The following ZNF584 variants were observed in gnomAD, a reference collection of about 807,000 sequenced individuals.
ZNF584 encodes zinc finger protein 584.
ZNF584 carries 12 observed loss-of-function variants against 14.7 expected under a neutral mutation model. The observed-to-expected ratio is 0.82, with a 90% CI of 0.52 to 1.32. ZNF584 has a LOEUF of 1.32. Ranked by LOEUF, ZNF584 falls within the 40% of genes most tolerant of loss-of-function variation. The pLI is 0.00. For synonymous variants in ZNF584, 204 were observed against 190.9 expected (o/e 1.07, Z -0.57); for missense variants, 478 against 518.8 (o/e 0.92, Z 0.76).
intron 2 of ZNF584, among the ~76,000 whole-genome samples, chr19:58,410,983 G>T (rs1304796138): frequency 6.7e-6 from 1 of 149,974 alleles, no homozygotes; most frequent in South Asian, 2.1e-4. Flanking sequence ...GTAGAGACAG[G>T]GTTTCACTTT....
At chr19:58,413,569 C>T (rs1028032203) in intron 2 of ZNF584, among the ~76,000 whole-genome samples, 1 of 149,672 alleles carries the variant, frequency 6.7e-6, no homozygotes, top group Non-Finnish European at 1.5e-5. Context: ...TGCAGTGGTG[C>T]GATCTTGGCT....
At position 58,409,077 on chromosome 19, in the gene ZNF584, G is replaced by A. The variant is rs2052506056; in HGVS notation, c.-71G>A. Reference sequence around the variant, plus strand: ...CCGGGAAGGTTCCACGGCGGCCGAGGGTTTCCGCGCCCGGGACGCGTTTCG... The same window carrying A: ...CCGGGAAGGTTCCACGGCGGCCGAGAGTTTCCGCGCCCGGGACGCGTTTCG... On this transcript the variant is annotated 5_prime_UTR_variant, in exon 1 of 4. Coordinates refer to ENST00000306910, the MANE Select transcript of ZNF584 (RefSeq NM_173548.3). 3.4e-6 allele frequency: 5 copies of A among 1,456,886 alleles called. No homozygotes were observed. The highest frequency in any genetic ancestry group is 3.6e-4 in the Middle Eastern group (2 of 5,594). 90.2% of individuals were successfully genotyped at this position (1,456,886 alleles called of 1,614,324 possible).
chr19:58,410,557 A>ATGTG lies in ZNF584; in HGVS notation c.169+468_169+471dup, dbSNP rs1185053389. Among the ~76,000 whole-genome samples, 21 of 26,002 alleles carry ATGTG rather than the reference A, an allele frequency of 8.1e-4. 3 individuals are homozygous for ATGTG. The highest frequency in any genetic ancestry group is 5.8e-3 in the East Asian group (8 of 1,386). The allele number at this position is 26,002 out of a possible 152,430, so 17.1% of individuals were successfully genotyped here. ...TATATATATATATATATATATATAT[A>ATGTG]TGTGTATATATATATGTATATATAT... On this transcript the variant is annotated intron_variant, in intron 2 of 3. Coordinates refer to ENST00000306910, the MANE Select transcript of ZNF584 (RefSeq NM_173548.3).
chr19:58,412,311 G>A (rs139762908), intron 2 of ZNF584, among the ~76,000 whole-genome samples: 3,245 of 148,028 alleles, frequency 0.022, 112 homozygotes, highest in African/African-American at 0.077. Context: ...CCGGGTTCAC[G>A]CCATTCTCCT....
chr19:58,403,004 T>A (rs1371155624), intron 1 of ZNF584, among the ~76,000 whole-genome samples: 1 of 152,128 alleles, frequency 6.6e-6, no homozygotes, highest in South Asian at 2.1e-4. Flanking sequence ...ATGGCTACAA[T>A]GCAAAACACT....
At chr19:58,410,530 T>TAC (rs1568584248) in intron 2 of ZNF584, among the ~76,000 whole-genome samples, 8 of 20,188 alleles carry the variant, frequency 4.0e-4, no homozygotes, top group African/African-American at 1.7e-3. Context: ...TATATATATA[T>TAC]ATATATATAT....
In ZNF584 at chr19:58,409,034, C is replaced by T. The variant is rs1362337323; in HGVS notation, c.-114C>T. 11 of 1,349,498 alleles carry T rather than the reference C, an allele frequency of 8.2e-6. No individual in the cohort carries two copies. Among genetic ancestry groups the T allele is most frequent in the Non-Finnish European group, 1.1e-5 (11 of 1,018,718 alleles). 83.6% of individuals were successfully genotyped at this position (1,349,498 alleles called of 1,614,324 possible). On this transcript the variant is annotated 5_prime_UTR_variant, in exon 1 of 4. Coordinates refer to ENST00000306910, the MANE Select transcript of ZNF584 (RefSeq NM_173548.3). ...TTCCCTGTCTTCGGACGCATTTCAC[C>T]CGCGCGGGGAGAGCTTCCCGGGAAG...
intron 1 of ZNF584, among the ~76,000 whole-genome samples, chr19:58,403,396 G>T (rs2052443646): frequency 1.3e-5 from 2 of 152,032 alleles, no homozygotes; most frequent in South Asian, 4.1e-4. Context: ...ATGCACATTG[G>T]TAAGTGACAG....
At position 58,416,876 on chromosome 19, in the gene ZNF584, C is replaced by T. The variant is rs943250198; in HGVS notation, c.358C>T (p.Gln120Ter). 3 of 1,605,336 alleles carry T rather than the reference C, an allele frequency of 1.9e-6. No individual in the cohort carries two copies. Among genetic ancestry groups the T allele is most frequent in the Non-Finnish European group, 2.6e-6 (3 of 1,175,696 alleles). ...PEHLKSYRVI[Q>*]HQDTHSEGKP... ...GCATCTAAAGAGCTACAGAGTCATCCAGCACCAGGACACTCATAGTGAGGG... is the reference window on the plus strand; with the variant it reads ...GCATCTAAAGAGCTACAGAGTCATCTAGCACCAGGACACTCATAGTGAGGG... The change falls in exon 4 of 4, where the codon CAG (glutamine) becomes TAG (stop). Residue 120 changes from glutamine to a stop codon, truncating the protein, a stop_gained. Coordinates refer to ENST00000306910, the MANE Select transcript of ZNF584 (RefSeq NM_173548.3). LOFTEE classifies it low-confidence loss of function (END_TRUNC).
At chr19:58,416,372 G>A (rs924921015) in intron 3 of ZNF584, 15 of 164,098 alleles carry the variant, frequency 9.1e-5, no homozygotes, top group African/African-American at 3.7e-4. Context: ...GAGTAGCTGG[G>A]ACTACAGGCG....
In ZNF584 at chr19:58,409,121, G is replaced by T. The variant is rs2052506762; in HGVS notation, c.-27G>T. 2 of 1,469,096 alleles carry T rather than the reference G, an allele frequency of 1.4e-6. No individual in the cohort carries two copies. The highest frequency in any genetic ancestry group is 1.4e-5 in the African/African-American group (1 of 69,614). 91.0% of individuals were successfully genotyped at this position (1,469,096 alleles called of 1,614,324 possible). ...CGTTTCGGCTGAGGCCGTGGGTCCA[G>T]TCCACGGGTTCTGCCCGCACGGTCC... is the stretch of plus-strand genomic sequence containing the variant. On this transcript the variant is annotated 5_prime_UTR_variant, in exon 1 of 4. Coordinates refer to ENST00000306910, the MANE Select transcript of ZNF584 (RefSeq NM_173548.3).
upstream of ZNF584, chr19:58,406,347 G>GGA: frequency 1.9e-5 from 1 of 53,784 alleles, no homozygotes; most frequent in South Asian, 8.0e-4. Context: ...GAAAGAGCGG[G>GGA]GGGGGGGGGA....
chr19:58,403,305 G>A (rs1170085621), intron 1 of ZNF584, among the ~76,000 whole-genome samples: 14 of 152,156 alleles, frequency 9.2e-5, no homozygotes, highest in Non-Finnish European at 1.5e-5. Context: ...GCTAATCTGT[G>A]TTACATCCAC....
intron 2 of ZNF584, among the ~76,000 whole-genome samples, chr19:58,411,526 CA>C (rs200363127): frequency 2.9e-4 from 41 of 141,606 alleles, no homozygotes; most frequent in Non-Finnish European, 3.2e-4. Flanking sequence ...AACTACGTCT[CA>C]AAAAAAAAAA....
At chr19:58,408,482 G>A (rs2052495406), upstream of ZNF584, 1 of 152,486 alleles carries the variant, frequency 6.6e-6, no homozygotes, top group Non-Finnish European at 1.5e-5. Flanking sequence ...CCGCCCCAAA[G>A]CCAGCGCCGA....
chr19:58,413,693 G>T (rs1417749986), intron 2 of ZNF584, among the ~76,000 whole-genome samples: 1 of 150,596 alleles, frequency 6.6e-6, no homozygotes, highest in South Asian at 2.1e-4. Flanking sequence ...TAGAGACAGG[G>T]TTTCGCCATG....
chr19:58,414,080 C>T (rs1470051225), intron 2 of ZNF584, among the ~76,000 whole-genome samples: 1 of 152,058 alleles, frequency 6.6e-6, no homozygotes, highest in Non-Finnish European at 1.5e-5. Context: ...CTCGGCCTCC[C>T]AAAGTGCTGG....
chr19:58,416,201 G>T, intron 3 of ZNF584: 1 of 377,674 alleles, frequency 2.6e-6, no homozygotes, highest in South Asian at 4.9e-5. Flanking sequence ...GTTGTGCCAG[G>T]CTTTCCCAAC....
In ZNF584 at chr19:58,410,611, ATG is replaced by A. The variant is rs1281178000; in HGVS notation, c.169+524_169+525del. ...TATATATGTATATATATGTATATATATGTGTATATATGTGTATATATGTGTAT... is the reference window on the plus strand; with the variant it reads ...TATATATGTATATATATGTATATATATGTATATATGTGTATATATGTGTAT... On this transcript the variant is annotated intron_variant, in intron 2 of 3. Coordinates refer to ENST00000306910, the MANE Select transcript of ZNF584 (RefSeq NM_173548.3). Among the ~76,000 whole-genome samples the A allele has an allele frequency of 7.3e-4, 33 of 45,340 alleles. 6 individuals are homozygous for A. Among genetic ancestry groups the A allele is most frequent in the African/African-American group, 6.5e-3 (30 of 4,610 alleles). 29.7% of individuals were successfully genotyped at this position (45,340 alleles called of 152,430 possible). A position where few individuals can be genotyped will look rare whatever the true frequency, so the allele number is the denominator to read the frequency against.
Sources: gnomAD v4.1 joint callset for allele counts (sites outside exome capture counted in the v4.1 genomes callset) on GRCh38, gnomAD v4.1.1 for gene constraint, MANE v1.5 for transcripts, NCBI Gene and HGNC (gene_info 2026-07-23, HGNC 2026-07-21) for gene names.